Variants in PKD1L3 observed in about 807,000 individuals in gnomAD.
PKD1L3 encodes the protein polycystin 1 like 3, transient receptor potential channel interacting.
In PKD1L3, 239 loss-of-function variants were observed where a neutral mutation model predicts 184.1. That is an observed-to-expected ratio of 1.30 (90% confidence interval 1.17 to 1.45). The LOEUF (loss-of-function observed/expected upper bound fraction) is 1.45, where lower values mean the gene tolerates loss of function less well. PKD1L3 is among the 40% of genes most tolerant of loss of function. PKD1L3 has a pLI of 0.00. For missense variants in PKD1L3, 2,660 were observed against 2,067.2 expected (o/e 1.29, Z -5.56); for synonymous variants, 996 against 778.8 (o/e 1.28, Z -4.64).
At chr16:71,989,404 C>T (rs547908393) in intron 4 of PKD1L3, among the ~76,000 whole-genome samples, 3 of 152,364 alleles carry the variant, frequency 2.0e-5, no homozygotes, top group Non-Finnish European at 2.9e-5. Flanking sequence ...CCGCCCGCCT[C>T]GGCCTCCCAA....
At chr16:71,959,228 A>G (rs2039175428) in intron 16 of PKD1L3, among the ~76,000 whole-genome samples, 1 of 152,068 alleles carries the variant, frequency 6.6e-6, no homozygotes, top group Admixed American at 6.6e-5. Context: ...CCCGACCAAC[A>G]TGGAGAAACC....
Position 71,979,893 on chromosome 16 carries a change from G to A in PKD1L3, c.1291C>T (p.Pro431Ser). ...TGACCCAGAGTGTAAGAGCTCAGCGGTAAAGTTGATATGTTTTGTCTAATG... is the reference window on the plus strand; with the variant it reads ...TGACCCAGAGTGTAAGAGCTCAGCGATAAAGTTGATATGTTTTGTCTAATG... Reference protein sequence around the residue: ...LLSRQNISTLPLSSYTLGHPA... With the variant: ...LLSRQNISTLSLSSYTLGHPA... Residue 431 changes from proline to serine, a missense_variant, in exon 9 of 30, where the codon CCG (proline) becomes TCG (serine). Transcript: ENST00000620267. 1 of 1,549,652 alleles carries A rather than the reference G, an allele frequency of 6.5e-7. No individual in the cohort carries two copies. Among genetic ancestry groups the A allele is most frequent in the African/African-American group, 1.4e-5 (1 of 72,950 alleles).
intron 16 of PKD1L3, among the ~76,000 whole-genome samples, chr16:71,960,201 G>A (rs1348176108): frequency 6.7e-6 from 1 of 148,502 alleles, no homozygotes; most frequent in Non-Finnish European, 1.5e-5. Context: ...TACAAAACCT[G>A]TCAATTTGAC....
chr16:71,958,544 C>T (rs1040896387), intron 16 of PKD1L3, among the ~76,000 whole-genome samples: 2 of 151,826 alleles, frequency 1.3e-5, no homozygotes, highest in Non-Finnish European at 1.5e-5. Flanking sequence ...TTTTGGGAGG[C>T]CGAGGTGAGT....
Position 71,934,090 on chromosome 16 carries a change from G to C in PKD1L3, c.4649C>G (p.Ser1550Cys). The C allele has an allele frequency of 6.4e-7, 1 of 1,551,946 alleles. No individual in the cohort carries two copies. The highest frequency in any genetic ancestry group is 8.7e-7 in the Non-Finnish European group (1 of 1,147,068). Residue 1550 changes from serine to cysteine, a missense_variant, in exon 27 of 30, where the codon TCT becomes TGT. Coordinates refer to ENST00000620267, the MANE Select transcript of PKD1L3 (RefSeq NM_181536.2). Reference sequence around the variant, plus strand: ...GAAGCCCACAAGGTGAGTCGCAGCAGAGTTCACTTTTACTGCCTCATAGAA... The same window carrying C: ...GAAGCCCACAAGGTGAGTCGCAGCACAGTTCACTTTTACTGCCTCATAGAA... Reference protein sequence around the residue: ...ISFYEAVKVNSAATHLVGFPV... With the variant: ...ISFYEAVKVNCAATHLVGFPV...
rs1287178517 is a variant in PKD1L3, at chr16:71,952,975, A to C, written c.2928T>G (p.Thr976=). The C allele has an allele frequency of 1.3e-6, 2 of 1,550,014 alleles. No individual in the cohort carries two copies. Among genetic ancestry groups the C allele is most frequent in the Non-Finnish European group, 8.7e-7 (1 of 1,146,400 alleles). The part of the protein sequence containing the change: ...RLFPLIEPQE[T]LPLFPPIQAS... Reference sequence around the variant, plus strand: ...CCTGGATGGGAGGAAAGAGGGGCAGAGTCTCCTGTGGCTCAATCAACGGGA... The same window carrying C: ...CCTGGATGGGAGGAAAGAGGGGCAGCGTCTCCTGTGGCTCAATCAACGGGA... Residue 976 remains threonine, a synonymous_variant, in exon 18 of 30, where the codon ACT becomes ACG. Transcript: ENST00000620267.
intron 16 of PKD1L3, among the ~76,000 whole-genome samples, chr16:71,962,225 G>A (rs914549033): frequency 6.6e-6 from 1 of 152,030 alleles, no homozygotes; most frequent in Admixed American, 6.6e-5. Flanking sequence ...TGCCCGGCTA[G>A]GACATGGTGT....
chr16:71,965,814 A>G (rs983248076), intron 15 of PKD1L3, among the ~76,000 whole-genome samples: 1 of 152,210 alleles, frequency 6.6e-6, no homozygotes, highest in Non-Finnish European at 1.5e-5. Flanking sequence ...TCGGCCTCCC[A>G]AAGTGCTGGG....
chr16:71,935,409 C>T lies in PKD1L3; in HGVS notation c.4562G>A (p.Ser1521Asn), dbSNP rs548904750. The change falls in exon 26 of 30, where the codon AGT (serine) becomes AAT (asparagine). Residue 1521 changes from serine (S) to asparagine (N), a missense_variant. By Grantham distance (46) the Ser-to-Asn change is conservative (BLOSUM62 1). Transcript: ENST00000620267. The part of the protein sequence containing the change: ...SFILLGLDMK[S>N]ISLHKKNMAR... ...CATGTTTTTCTTATGTAGAGAAATA[C>T]TCTTCATGTCAAGCCCCAGGAGGAT... The T allele has an allele frequency of 3.2e-6, 5 of 1,551,774 alleles. No individual in the cohort carries two copies. In the African/African-American group the frequency reaches 4.1e-5, roughly 13 times the overall value.
chr16:72,000,033 T>C lies in PKD1L3; in HGVS notation c.-55A>G, dbSNP rs554223119. ...GGGGGTTTAGCAGCTGCCTGGTCCT[T>C]TAAATATATATATTGGCGGGCTTGT... On this transcript the variant is annotated 5_prime_UTR_variant, in exon 1 of 30. Transcript: ENST00000620267. 1,512 of 1,318,736 alleles carry C rather than the reference T, an allele frequency of 1.1e-3. 4 individuals are homozygous for C. The highest frequency in any genetic ancestry group is 1.4e-3 in the Non-Finnish European group (1,355 of 983,982). The allele number at this position is 1,318,736 out of a possible 1,614,324, so 81.7% of individuals were successfully genotyped here.
chr16:71,962,874 C>T (rs1049976392), intron 16 of PKD1L3, among the ~76,000 whole-genome samples: 8 of 152,112 alleles, frequency 5.3e-5, no homozygotes, highest in African/African-American at 7.2e-5. Context: ...TTTGTATCAT[C>T]GAAGTAGTGG....
chr16:71,997,868 C>T (rs2040848518), intron 2 of PKD1L3, among the ~76,000 whole-genome samples: 2 of 152,210 alleles, frequency 1.3e-5, no homozygotes, highest in South Asian at 2.1e-4. Flanking sequence ...AGGCGAACCT[C>T]GGATAACAGC....
At chr16:71,968,494 C>A (rs1417552793) in intron 13 of PKD1L3, among the ~76,000 whole-genome samples, 2 of 152,156 alleles carry the variant, frequency 1.3e-5, no homozygotes, top group Non-Finnish European at 2.9e-5. Flanking sequence ...CTAGAATTTC[C>A]AAGTGCAAGA....
intron 6 of PKD1L3, among the ~76,000 whole-genome samples, chr16:71,983,413 C>T (rs948009911): frequency 2.0e-5 from 3 of 152,144 alleles, no homozygotes; most frequent in African/African-American, 7.2e-5. Flanking sequence ...TCCCAAAGTG[C>T]TGGGACTACA....
At chr16:71,988,070 T>A (rs2040443035) in intron 4 of PKD1L3, among the ~76,000 whole-genome samples, 1 of 23,348 alleles carries the variant, frequency 4.3e-5, no homozygotes, top group South Asian at 2.7e-3. Context: ...AACAGTGGCA[T>A]GATTTCACTT....
rs1484970411 is a variant in PKD1L3 at position 71,953,071 on chromosome 16, C to G, written c.2832G>C (p.Trp944Cys). Reference protein sequence around the residue: ...DEQMRPFAVAWSELLVSIHTA... With the variant: ...DEQMRPFAVACSELLVSIHTA... Reference sequence around the variant, plus strand: ...TATGGATGCTGACCAGCAGTTCAGACCAGGCCACAGCAAATGGACGCACTG... The same window carrying G: ...TATGGATGCTGACCAGCAGTTCAGAGCAGGCCACAGCAAATGGACGCACTG... Residue 944 changes from tryptophan (W) to cysteine (C), a missense_variant, in exon 18 of 30, where the codon TGG (tryptophan) becomes TGC (cysteine). Physicochemically the swap from Trp to Cys is radical, Grantham distance 215. Coordinates refer to ENST00000620267, the MANE Select transcript of PKD1L3 (RefSeq NM_181536.2). The G allele has an allele frequency of 6.7e-7, 1 of 1,494,710 alleles. No individual in the cohort carries two copies. The highest frequency in any genetic ancestry group is 1.3e-5 in the South Asian group (1 of 74,146). The allele number at this position is 1,494,710 out of a possible 1,614,324, so 92.6% of individuals were successfully genotyped here. A position where few individuals can be genotyped will look rare whatever the true frequency, so the allele number is the denominator to read the frequency against.
chr16:71,970,141 C>T, intron 12 of PKD1L3, 36 bp from the exon 13 acceptor site: 1 of 1,502,772 alleles, frequency 6.7e-7, no homozygotes, highest in Non-Finnish European at 9.1e-7. Context: ...TCTAGTCAGA[C>T]AGAGTGCTAA....
intron 29 of PKD1L3, 147 bp from the exon 30 acceptor site, chr16:71,929,825 T>G (rs926710563): frequency 1.0e-6 from 1 of 970,422 alleles, no homozygotes; most frequent in African/African-American, 1.7e-5. Context: ...TTGGAGTGTT[T>G]CCACTAATGG....
At chr16:71,929,991 A>G (rs2037872018) in intron 29 of PKD1L3, 61 bp downstream of exon 29, 1 of 1,478,986 alleles carries the variant, frequency 6.8e-7, no homozygotes, top group Admixed American at 2.4e-5. Flanking sequence ...TCTTAGGGGC[A>G]GTTACAGTGG....
Sources: allele counts gnomAD v4.1 joint callset (sites outside exome capture counted in the v4.1 genomes callset), GRCh38; gene constraint gnomAD v4.1.1; transcripts MANE v1.5; gene names NCBI Gene and HGNC (gene_info 2026-07-23, HGNC 2026-07-21).